Variants in MME observed in about 807,000 individuals in gnomAD.
MME encodes the protein neprilysin.
In MME, 98 loss-of-function variants were observed where a neutral mutation model predicts 113.2. The observed-to-expected ratio is 0.87, with a 90% CI of 0.74 to 1.02. MME has a LOEUF of 1.02. Among genes scored for constraint, MME ranks in the 50% least tolerant of loss-of-function variants. The pLI, the probability that MME is intolerant of heterozygous loss-of-function variation, is 0.00. For missense variants in MME, 836 were observed against 896.0 expected (o/e 0.93, Z 0.86); for synonymous variants, 292 against 300.6 (o/e 0.97, Z 0.30).
intron 9 of MME, among the ~76,000 whole-genome samples, 153 bp from the exon 10 acceptor site, chr3:155,140,038 C>G (rs77139970): frequency 6.6e-6 from 1 of 152,110 alleles, no homozygotes; most frequent in Non-Finnish European, 1.5e-5. Flanking sequence ...TTACATTTCA[C>G]TTTTTTTGAA....
At position 155,083,948 on chromosome 3, in the gene MME, A is replaced by G. The variant is rs3773905; in HGVS notation, c.-10-210A>G. The G allele has an allele frequency of 0.21, 109,207 of 530,314 alleles. 11,756 individuals carry two copies. Among genetic ancestry groups the G allele is most frequent in the Middle Eastern group, 0.27 (503 of 1,890 alleles). 32.9% of individuals were successfully genotyped at this position (530,314 alleles called of 1,614,324 possible). ...AAAACAAAACAAAACAACAGCAACA[A>G]AAAACAAAAGGTTGTGACTGAGACC... On this transcript the variant is annotated intron_variant, in intron 1 of 22. Transcript: ENST00000360490.
At chr3:155,169,183 C>A (rs142264220) in intron 20 of MME, among the ~76,000 whole-genome samples, 1 of 152,108 alleles carries the variant, frequency 6.6e-6, no homozygotes, top group Non-Finnish European at 1.5e-5. Flanking sequence ...AGAAACAGGA[C>A]CTTCAGTTTT....
chr3:155,169,035 G>A (rs1048809667), intron 20 of MME, among the ~76,000 whole-genome samples: 12 of 152,216 alleles, frequency 7.9e-5, no homozygotes, highest in African/African-American at 2.6e-4. Flanking sequence ...AGAAAATATG[G>A]AATATTATAT....
chr3:155,067,830 G>A (rs192504413), intron 1 of MME, among the ~76,000 whole-genome samples: 45 of 152,192 alleles, frequency 3.0e-4, no homozygotes, highest in Admixed American at 5.2e-4. Context: ...ATACAGTACT[G>A]GTGTGAAAAA....
intron 9 of MME, 60 bp from the exon 10 acceptor site, chr3:155,140,131 A>T: frequency 1.8e-6 from 2 of 1,133,762 alleles, no homozygotes; most frequent in East Asian, 2.6e-5. Context: ...CCTCATATGT[A>T]GTTATATTTT....
intron 1 of MME, among the ~76,000 whole-genome samples, chr3:155,032,470 T>TGA (rs1252265386): frequency 1.3e-5 from 2 of 152,204 alleles, no homozygotes; most frequent in African/African-American, 4.8e-5. Context: ...AAATAACCAA[T>TGA]GAAACTCCTA....
chr3:155,061,909 C>T (rs1027416372), intron 1 of MME, among the ~76,000 whole-genome samples: 1 of 152,198 alleles, frequency 6.6e-6, no homozygotes, highest in African/African-American at 2.4e-5. Flanking sequence ...GATCTGTCCG[C>T]CTCAGCCTCC....
At chr3:155,070,678 C>T (rs1326291586) in intron 1 of MME, among the ~76,000 whole-genome samples, 2 of 152,102 alleles carry the variant, frequency 1.3e-5, no homozygotes, top group African/African-American at 4.8e-5. Context: ...CATTAAGGAT[C>T]CAAGAGAAGT....
chr3:155,106,004 T>A (rs151092595), intron 3 of MME, among the ~76,000 whole-genome samples: 174 of 152,300 alleles, frequency 1.1e-3, no homozygotes, highest in Non-Finnish European at 2.0e-3. Context: ...GCATATTTGT[T>A]GTATGTATAA....
chr3:155,031,084 G>T (rs1712954689), intron 1 of MME, among the ~76,000 whole-genome samples: 1 of 152,166 alleles, frequency 6.6e-6, no homozygotes, highest in African/African-American at 2.4e-5. Context: ...GGAACTTTGA[G>T]ATGTAAAGGA....
chr3:155,115,286 G>A, intron 4 of MME, 131 bp downstream of exon 4: 2 of 1,093,100 alleles, frequency 1.8e-6, no homozygotes, highest in East Asian at 2.6e-5. Context: ...CAGGATTTGT[G>A]TACCACCACC....
At chr3:155,101,244 T>C (rs1309731751) in intron 3 of MME, among the ~76,000 whole-genome samples, 1 of 152,228 alleles carries the variant, frequency 6.6e-6, no homozygotes, top group Non-Finnish European at 1.5e-5. Context: ...CCTCTTTTCT[T>C]TATAAATTAC....
intron 1 of MME, among the ~76,000 whole-genome samples, chr3:155,048,213 C>T (rs1262586175): frequency 2.0e-5 from 3 of 152,126 alleles, no homozygotes; most frequent in African/African-American, 7.2e-5. Context: ...TTTCTCCTTC[C>T]TAAGAATTTC....
chr3:155,165,408 AG>A (rs1723025264), intron 17 of MME, among the ~76,000 whole-genome samples: 1 of 152,064 alleles, frequency 6.6e-6, no homozygotes, highest in African/African-American at 2.4e-5. Flanking sequence ...ATTTCATGAG[AG>A]TATATATTAT....
intron 1 of MME, among the ~76,000 whole-genome samples, chr3:155,032,199 G>T (rs1712995694): frequency 6.6e-6 from 1 of 152,198 alleles, no homozygotes; most frequent in Admixed American, 6.5e-5. Flanking sequence ...TGACCAAAAA[G>T]ATCTTGTAGG....
rs199657102 is a variant in MME at position 155,148,510 on chromosome 3, C to A, written c.1498-40C>A. ...TTTTTAGCAAAAATTTAGAAGATAC[C>A]GGTTTTAATATTTCTTCCCAAATCT... On this transcript the variant is annotated intron_variant, in intron 15 of 22. Transcript: ENST00000360490. The A allele has an allele frequency of 5.2e-6, 7 of 1,345,272 alleles. No homozygotes were observed. In the South Asian group the frequency reaches 6.0e-5, roughly 12 times the overall value. The allele number at this position is 1,345,272 out of a possible 1,614,324, so 83.3% of individuals were successfully genotyped here.
chr3:155,126,541 G>C (rs1719673302), intron 8 of MME, among the ~76,000 whole-genome samples: 1 of 151,746 alleles, frequency 6.6e-6, no homozygotes, highest in Non-Finnish European at 1.5e-5. Context: ...TTAACCTGTA[G>C]TGTTTTTTTT....
chr3:155,073,097 G>A (rs1714634408), intron 1 of MME, among the ~76,000 whole-genome samples: 1 of 152,134 alleles, frequency 6.6e-6, no homozygotes, highest in South Asian at 2.1e-4. Context: ...TTTCCGAGTT[G>A]TGGAATAGCT....
intron 8 of MME, among the ~76,000 whole-genome samples, chr3:155,136,375 CTT>C (rs1720634478): frequency 6.6e-6 from 1 of 152,120 alleles, no homozygotes; most frequent in Non-Finnish European, 1.5e-5. Flanking sequence ...TTTATTGAGA[CTT>C]TTCCCACATC....
Sources: allele counts gnomAD v4.1 joint callset (sites outside exome capture counted in the v4.1 genomes callset), GRCh38; gene constraint gnomAD v4.1.1; transcripts MANE v1.5; gene names NCBI Gene and HGNC (gene_info 2026-07-23, HGNC 2026-07-21).